Variants in C12orf42 observed in about 807,000 individuals in gnomAD.
C12orf42 encodes chromosome 12 open reading frame 42, also known as uncharacterized protein C12orf42.
A neutral mutation model predicts 21.6 loss-of-function variants in C12orf42; 25 were observed. The ratio of observed to expected loss-of-function variants is 1.16; its 90% confidence interval spans 0.84 to 1.62. C12orf42 has a LOEUF of 1.62. Ranked by LOEUF, C12orf42 falls within the 40% of genes most tolerant of loss-of-function variation. The pLI is 0.00. For synonymous variants in C12orf42, 174 were observed against 175.0 expected, an observed-to-expected ratio of 0.99 and a Z score of 0.05; for missense variants, 483 against 459.3, an observed-to-expected ratio of 1.05 and a Z score of -0.47.
intron 4 of C12orf42, among the ~76,000 whole-genome samples, chr12:103,358,586 C>A (rs963826046): frequency 1.3e-5 from 2 of 151,584 alleles, no homozygotes; most frequent in Non-Finnish European, 2.9e-5. Context: ...GCAGTACCAT[C>A]ACCATCACCC....
At chr12:103,513,087 C>T in the C12orf42 span, among the ~76,000 whole-genome samples, 2 of 152,070 alleles carry the variant, frequency 1.3e-5, no homozygotes, top group Middle Eastern at 3.2e-3. Flanking sequence ...AAAAAGCTTG[C>T]TGATATTCCC....
intron 4 of C12orf42, among the ~76,000 whole-genome samples, chr12:103,350,151 C>T (rs1354048152): frequency 6.6e-6 from 1 of 152,160 alleles, no homozygotes; most frequent in Non-Finnish European, 1.5e-5. Flanking sequence ...CCTTATCTAC[C>T]ATCTCACTTT....
the C12orf42 span, among the ~76,000 whole-genome samples, chr12:103,121,485 A>T: frequency 1.3e-5 from 2 of 152,214 alleles, no homozygotes; most frequent in Admixed American, 1.3e-4. Context: ...GATGAATCAA[A>T]TTGGAGTGTC....
the C12orf42 span, among the ~76,000 whole-genome samples, chr12:103,212,742 T>C: frequency 6.6e-6 from 1 of 152,244 alleles, no homozygotes; most frequent in East Asian, 1.9e-4. Context: ...TATTATTTTA[T>C]CATTATTTAT....
intron 3 of C12orf42, among the ~76,000 whole-genome samples, chr12:103,387,081 T>A (rs186180192): frequency 6.6e-6 from 1 of 152,344 alleles, no homozygotes; most frequent in East Asian, 1.9e-4. Context: ...GGGAGCCTAG[T>A]AATAATTATT....
intron 2 of C12orf42, among the ~76,000 whole-genome samples, chr12:103,409,394 C>T (rs2048656342): frequency 1.3e-5 from 2 of 152,194 alleles, no homozygotes; most frequent in South Asian, 4.1e-4. Context: ...TGGGCTTCCA[C>T]ATTTGTGTCT....
the C12orf42 span, among the ~76,000 whole-genome samples, chr12:103,086,008 G>A: frequency 2.0e-3 from 312 of 152,222 alleles, 2 homozygotes; most frequent in Non-Finnish European, 4.3e-4. Flanking sequence ...TTCAGCACAC[G>A]GAGCTCCAAT....
At chr12:103,294,250 C>G (rs752952409) in intron 4 of C12orf42, among the ~76,000 whole-genome samples, 1 of 151,632 alleles carries the variant, frequency 6.6e-6, no homozygotes, top group African/African-American at 2.4e-5. Context: ...ATCTCAATAT[C>G]TGTCAATATC....
At chr12:103,302,680 G>GAAAGA (rs2037838517) in intron 5 of C12orf42, 121 bp from the exon 6 acceptor site, 1 of 366,556 alleles carries the variant, frequency 2.7e-6, no homozygotes, top group African/African-American at 2.3e-5. Context: ...AGAGGGGAAA[G>GAAAGA]AAAAAAAAAA....
At chr12:103,273,773 AG>A in intron 5 of C12orf42, 1 of 445,844 alleles carries the variant, frequency 2.2e-6, no homozygotes. Flanking sequence ...AAAGAGAAAG[AG>A]AAGCACTTGT....
At chr12:103,380,490 T>C (rs1200399984) in intron 3 of C12orf42, among the ~76,000 whole-genome samples, 4 of 152,110 alleles carry the variant, frequency 2.6e-5, no homozygotes, top group South Asian at 2.1e-4. Context: ...GTAAGTATCA[T>C]AAAGAATAAA....
chr12:103,337,853 C>T (rs1266454943), intron 4 of C12orf42, among the ~76,000 whole-genome samples: 1 of 152,180 alleles, frequency 6.6e-6, no homozygotes, highest in East Asian at 1.9e-4. Context: ...TCTCTGTCTC[C>T]ACTTACCCAC....
intron 2 of C12orf42, among the ~76,000 whole-genome samples, chr12:103,406,009 G>A (rs764322190): frequency 1.3e-4 from 20 of 152,212 alleles, no homozygotes; most frequent in Middle Eastern, 6.8e-3. Flanking sequence ...ATTACTGCCC[G>A]ATTTTGGCCA....
At chr12:103,243,536 A>G (rs1243909036) in intron 10 of C12orf42, among the ~76,000 whole-genome samples, 2 of 152,050 alleles carry the variant, frequency 1.3e-5, no homozygotes, top group African/African-American at 2.4e-5. Context: ...TCAGGAAGTA[A>G]TGCCCTGTTT....
At chr12:103,057,863 T>C in the C12orf42 span, among the ~76,000 whole-genome samples, 3 of 152,180 alleles carry the variant, frequency 2.0e-5, no homozygotes, top group Non-Finnish European at 1.5e-5. Flanking sequence ...CCAGCATCCA[T>C]TGTTTCTTGA....
rs772457969 is a variant in C12orf42, at chr12:103,401,593, T to C, written c.147+14A>G. On this transcript the variant is annotated intron_variant, in intron 3 of 5. Coordinates refer to ENST00000548883, the MANE Select transcript of C12orf42 (RefSeq NM_198521.5). ...CTATGGAGCAGCCCTGCACATAACA[T>C]TCCGCTGACTCACCTTTGCACTGGG... The C allele has an allele frequency of 1.9e-6, 3 of 1,612,720 alleles. No individual in the cohort carries two copies. Among genetic ancestry groups the C allele is most frequent in the Non-Finnish European group, 2.5e-6 (3 of 1,178,780 alleles).
chr12:103,526,595 T>C, the C12orf42 span, among the ~76,000 whole-genome samples: 3 of 152,240 alleles, frequency 2.0e-5, no homozygotes, highest in Admixed American at 6.5e-5. Context: ...CTGAATTGTA[T>C]CTCCCCAAAA....
chr12:103,532,289 A>C, the C12orf42 span, among the ~76,000 whole-genome samples: 8 of 152,366 alleles, frequency 5.3e-5, no homozygotes, highest in African/African-American at 1.7e-4. Context: ...TGAGAAAATA[A>C]TATGTATTAA....
At chr12:103,089,639 G>A in the C12orf42 span, among the ~76,000 whole-genome samples, 1 of 151,940 alleles carries the variant, frequency 6.6e-6, no homozygotes, top group Admixed American at 6.6e-5. Flanking sequence ...GTGTGTGTGT[G>A]TGTGTGTGTG....
Sources: gnomAD v4.1 joint callset for allele counts (sites outside exome capture counted in the v4.1 genomes callset) on GRCh38, gnomAD v4.1.1 for gene constraint, MANE v1.5 for transcripts, NCBI Gene and HGNC (gene_info 2026-07-23, HGNC 2026-07-21) for gene names.